GLT8D2: variants seen among roughly 807,000 people sequenced by gnomAD.
The protein encoded by GLT8D2 is glycosyltransferase 8 domain-containing protein 2.
In GLT8D2, 45 loss-of-function variants were observed where a neutral mutation model predicts 44.5. The ratio of observed to expected loss-of-function variants is 1.01; its 90% confidence interval spans 0.80 to 1.30. The LOEUF (loss-of-function observed/expected upper bound fraction) is 1.30. GLT8D2 is among the 50% of genes most tolerant of loss of function. The probability of loss-of-function intolerance (pLI) is 0.00; values close to 1 mark genes in which losing one functional copy is unlikely to be tolerated. For synonymous variants in GLT8D2, 156 were observed against 157.2 expected (o/e 0.99, Z 0.06); for missense variants, 400 against 430.4 (o/e 0.93, Z 0.62).
At chr12:104,029,027 C>A (rs1026519154) in intron 1 of GLT8D2, among the ~76,000 whole-genome samples, 1 of 152,104 alleles carries the variant, frequency 6.6e-6, no homozygotes, top group African/African-American at 2.4e-5. Flanking sequence ...CTCAGTGGCT[C>A]ACGCCTGTAA....
chr12:103,997,436 A>C lies in GLT8D2; in HGVS notation c.487+15T>G, dbSNP rs1566190725. Reference sequence around the variant, plus strand: ...TGCTTCTTTTCCAAGTGTTCTTGGCAGTTAGCGAGAGTACCTTGTACAATT... The same window carrying C: ...TGCTTCTTTTCCAAGTGTTCTTGGCCGTTAGCGAGAGTACCTTGTACAATT... On this transcript the variant is annotated intron_variant, in intron 7 of 10. Transcript: ENST00000360814. The C allele has an allele frequency of 1.3e-6, 2 of 1,571,672 alleles. No individual in the cohort carries two copies. The highest frequency in any genetic ancestry group is 1.8e-6 in the Non-Finnish European group (2 of 1,141,602).
intron 1 of GLT8D2, among the ~76,000 whole-genome samples, chr12:104,057,011 T>C (rs955984856): frequency 2.0e-5 from 3 of 152,186 alleles, no homozygotes; most frequent in African/African-American, 7.2e-5. Flanking sequence ...AAATCAAAGA[T>C]CACTGGAGTT....
chr12:104,019,664 TAAG>T lies in GLT8D2; in HGVS notation c.-19_-17del. 1.2e-6 allele frequency: 2 copies of T among 1,606,984 alleles called. No individual in the cohort carries two copies. Among genetic ancestry groups the T allele is most frequent in the Non-Finnish European group, 1.7e-6 (2 of 1,175,330 alleles). On this transcript the variant is annotated 5_prime_UTR_variant, in exon 3 of 11. Transcript: ENST00000360814. ...ACAGAGCCATGTGTATTCACGCGGA[TAAG>T]AACTGTAACCTGTGGATTAAAGGAA... is the stretch of plus-strand genomic sequence containing the variant.
At chr12:104,035,074 C>A (rs1008682283) in intron 1 of GLT8D2, among the ~76,000 whole-genome samples, 2 of 152,210 alleles carry the variant, frequency 1.3e-5, no homozygotes, top group Non-Finnish European at 2.9e-5. Context: ...AGCTAAGGGA[C>A]CTGACTGTTA....
At chr12:104,004,407 G>C (rs1411820806) in intron 4 of GLT8D2, among the ~76,000 whole-genome samples, 1 of 152,154 alleles carries the variant, frequency 6.6e-6, no homozygotes, top group Admixed American at 6.5e-5. Flanking sequence ...AAGAAATAAA[G>C]GGTATTCATT....
chr12:103,997,979 T>G (rs574811300), intron 6 of GLT8D2, among the ~76,000 whole-genome samples: 31 of 149,898 alleles, frequency 2.1e-4, no homozygotes, highest in Non-Finnish European at 4.1e-4. Context: ...AACAGCAAGC[T>G]CAACCTTTTA....
intron 10 of GLT8D2, among the ~76,000 whole-genome samples, chr12:103,992,009 A>G (rs1327305518): frequency 6.6e-6 from 1 of 152,130 alleles, no homozygotes; most frequent in East Asian, 1.9e-4. Context: ...AAGGTCTGAA[A>G]ACAAAAGGTT....
At chr12:104,058,795 A>G (rs1882392737) in intron 1 of GLT8D2, among the ~76,000 whole-genome samples, 1 of 152,184 alleles carries the variant, frequency 6.6e-6, no homozygotes, top group African/African-American at 2.4e-5. Flanking sequence ...ATATGCCTAA[A>G]AAGTCTAGAG....
At chr12:103,992,263 C>A (rs1055731340) in intron 10 of GLT8D2, among the ~76,000 whole-genome samples, 27 of 152,200 alleles carry the variant, frequency 1.8e-4, no homozygotes, top group African/African-American at 6.0e-4. Flanking sequence ...ACTCTAAACC[C>A]TACACTTGTG....
rs148930753 is a variant in GLT8D2 at position 104,015,017 on chromosome 12, G to A, written c.108C>T (p.Asp36=). 945 of 1,608,442 alleles carry A rather than the reference G, an allele frequency of 5.9e-4. No individual in the cohort carries two copies. The highest frequency in any genetic ancestry group is 7.1e-4 in the Non-Finnish European group (840 of 1,175,132). Residue 36 remains aspartate, a synonymous_variant, in exon 4 of 11, where the codon GAC becomes GAT. Coordinates refer to ENST00000360814, the MANE Select transcript of GLT8D2 (RefSeq NM_001384711.1). ...KVHKGTVPKN[D]ADDESETPEE... ...ATGAATTCCATGTCTGCTCACCTGC[G>A]TCATTCTTGGGCACAGTCCCCTTAT...
At chr12:104,038,102 T>C (rs2136460816) in intron 1 of GLT8D2, among the ~76,000 whole-genome samples, 1 of 152,338 alleles carries the variant, frequency 6.6e-6, no homozygotes, top group East Asian at 1.9e-4. Context: ...CAGCCTTTCA[T>C]GCTAAAAACT....
At chr12:104,050,410 T>G (rs1881600287), upstream of GLT8D2, 1 of 152,252 alleles carries the variant, frequency 6.6e-6, no homozygotes, top group African/African-American at 2.4e-5. Flanking sequence ...ATGCTGATTT[T>G]GAGAATCTTC....
intron 8 of GLT8D2, among the ~76,000 whole-genome samples, chr12:103,995,461 G>A (rs1223811257): frequency 6.6e-6 from 1 of 152,152 alleles, no homozygotes; most frequent in African/African-American, 2.4e-5. Flanking sequence ...CATCTGCACA[G>A]GTGGTTCCCT....
upstream of GLT8D2, among the ~76,000 whole-genome samples, chr12:104,052,398 T>G (rs1881799068): frequency 6.6e-6 from 1 of 152,192 alleles, no homozygotes; most frequent in Non-Finnish European, 1.5e-5. Flanking sequence ...TTGCCCCAAT[T>G]TACAGATGAG....
chr12:104,018,344 C>T (rs978183318), intron 3 of GLT8D2, among the ~76,000 whole-genome samples: 3 of 152,030 alleles, frequency 2.0e-5, no homozygotes, highest in Admixed American at 2.0e-4. Flanking sequence ...ATTTTTTGGC[C>T]TCTATGCCTT....
At chr12:103,998,179 A>G (rs1653331714) in intron 6 of GLT8D2, among the ~76,000 whole-genome samples, 1 of 152,090 alleles carries the variant, frequency 6.6e-6, no homozygotes, top group Non-Finnish European at 1.5e-5. Flanking sequence ...AGTAACAATC[A>G]TATGTAGAAG....
intron 1 of GLT8D2, among the ~76,000 whole-genome samples, chr12:104,022,467 G>C (rs1878024569): frequency 1.3e-5 from 2 of 152,246 alleles, no homozygotes; most frequent in South Asian, 2.1e-4. Flanking sequence ...ATATTAAAAG[G>C]CCTTTTTGTC....
At chr12:104,042,591 T>C (rs1020489554) in intron 1 of GLT8D2, among the ~76,000 whole-genome samples, 1 of 151,940 alleles carries the variant, frequency 6.6e-6, no homozygotes, top group African/African-American at 2.4e-5. Context: ...TATAAAGAGG[T>C]AGAAAACTGA....
At chr12:103,999,370 C>T (rs1212518347) in intron 6 of GLT8D2, 27 bp downstream of exon 6, 1 of 1,289,474 alleles carries the variant, frequency 7.8e-7, no homozygotes, top group Non-Finnish European at 1.1e-6. Context: ...AAGGACTGTC[C>T]CCAGCACCTG....
Sources: gnomAD v4.1 joint callset for allele counts (sites outside exome capture counted in the v4.1 genomes callset) on GRCh38, gnomAD v4.1.1 for gene constraint, MANE v1.5 for transcripts, NCBI Gene and HGNC (gene_info 2026-07-23, HGNC 2026-07-21) for gene names.